Variants in DAAM2 observed in about 807,000 individuals in gnomAD.
DAAM2 encodes the protein disheveled-associated activator of morphogenesis 2.
Under a neutral mutation model 120.7 loss-of-function variants are expected in DAAM2, and 39 were observed. The observed-to-expected ratio is 0.32, with a 90% CI of 0.25 to 0.42. The LOEUF (loss-of-function observed/expected upper bound fraction) is 0.42, where lower values mean the gene tolerates loss of function less well. Among genes scored for constraint, DAAM2 ranks in the 10% least tolerant of loss-of-function variants. The pLI is 1.00. For synonymous variants in DAAM2, 488 were observed against 524.9 expected (o/e 0.93, Z 0.96); for missense variants, 1,283 against 1,401.7 (o/e 0.92, Z 1.35).
At position 39,904,267 on chromosome 6, in the gene DAAM2, AAG is replaced by A; in HGVS notation, c.*2232_*2233del. The A allele has an allele frequency of 2.2e-6, 1 of 456,568 alleles. No homozygotes were observed. The highest frequency in any genetic ancestry group is 4.4e-6 in the Non-Finnish European group (1 of 226,938). 28.3% of individuals were successfully genotyped at this position (456,568 alleles called of 1,614,324 possible). ...CCAGAGCTCAGCCTTCTCACTCTAAAAGAAAGATATTTTTCTATTTATTTTCT... is the reference window on the plus strand; with the variant it reads ...CCAGAGCTCAGCCTTCTCACTCTAAAAAAGATATTTTTCTATTTATTTTCT... On this transcript the variant is annotated 3_prime_UTR_variant, in exon 25 of 25. Coordinates refer to ENST00000274867, the MANE Select transcript of DAAM2 (RefSeq NM_001201427.2).
At position 39,902,080 on chromosome 6, in the gene DAAM2, G is replaced by A. The variant is rs754705141; in HGVS notation, c.*43G>A. On this transcript the variant is annotated 3_prime_UTR_variant, in exon 25 of 25. Transcript: ENST00000274867. ...ACAGGAGGCCGGGAGACAGGGACTGGTGAGAATGGGGCTGAGTGGAGGAGG... is the reference window on the plus strand; with the variant it reads ...ACAGGAGGCCGGGAGACAGGGACTGATGAGAATGGGGCTGAGTGGAGGAGG... 1.7e-5 allele frequency: 26 copies of A among 1,521,790 alleles called. No homozygotes were observed. Among genetic ancestry groups the A allele is most frequent in the Non-Finnish European group, 2.3e-5 (26 of 1,111,874 alleles). 94.3% of individuals were successfully genotyped at this position (1,521,790 alleles called of 1,614,324 possible).
chr6:39,824,233 C>A (rs1224050738), intron 1 of DAAM2, among the ~76,000 whole-genome samples: 1 of 152,174 alleles, frequency 6.6e-6, no homozygotes, highest in Non-Finnish European at 1.5e-5. Flanking sequence ...GGGCAGTAGG[C>A]ACTCAGGAAG....
chr6:39,902,062 G>T lies in DAAM2; in HGVS notation c.*25G>T, dbSNP rs1280315565. ...ACCTGGGGAACTAGCCACACAGGAG[G>T]CCGGGAGACAGGGACTGGTGAGAAT... On this transcript the variant is annotated 3_prime_UTR_variant, in exon 25 of 25. Transcript: ENST00000274867. The T allele has an allele frequency of 3.2e-6, 5 of 1,570,704 alleles. No individual in the cohort carries two copies. Among genetic ancestry groups the T allele is most frequent in the Non-Finnish European group, 4.3e-6 (5 of 1,150,450 alleles).
At chr6:39,888,582 C>G in intron 16 of DAAM2, 97 bp from the exon 17 acceptor site, 1 of 984,404 alleles carries the variant, frequency 1.0e-6, no homozygotes, top group Non-Finnish European at 1.5e-6. Flanking sequence ...TAAATATATT[C>G]CCAAGTCCTG....
chr6:39,857,522 G>A (rs1046380602), intron 2 of DAAM2, among the ~76,000 whole-genome samples: 10 of 152,194 alleles, frequency 6.6e-5, no homozygotes, highest in Admixed American at 3.3e-4. Context: ...CTCTGGATGG[G>A]GCAAGTGGTG....
intron 1 of DAAM2, chr6:39,819,685 T>A (rs1233416029): frequency 3.3e-5 from 5 of 152,220 alleles, no homozygotes; most frequent in African/African-American, 1.2e-4. Flanking sequence ...TACCATAGAT[T>A]GGGTGACTTA....
chr6:39,826,264 AT>A (rs11390604), intron 1 of DAAM2, among the ~76,000 whole-genome samples: 14 of 150,856 alleles, frequency 9.3e-5, no homozygotes, highest in Middle Eastern at 3.4e-3. Context: ...TTAGTAGCAG[AT>A]TTTTTTTTTA....
At chr6:39,831,649 G>A (rs1762894642) in intron 1 of DAAM2, among the ~76,000 whole-genome samples, 1 of 150,230 alleles carries the variant, frequency 6.7e-6, no homozygotes, top group South Asian at 2.1e-4. Context: ...GGGTGGGAAG[G>A]TCAAGAGGCT....
intron 21 of DAAM2, among the ~76,000 whole-genome samples, chr6:39,898,175 T>C (rs1173594344): frequency 6.6e-6 from 1 of 152,246 alleles, no homozygotes; most frequent in African/African-American, 2.4e-5. Flanking sequence ...TGAGGAATTC[T>C]GGGAAACAGT....
chr6:39,841,329 C>T (rs1168351438), intron 1 of DAAM2, among the ~76,000 whole-genome samples: 2 of 53,738 alleles, frequency 3.7e-5, no homozygotes, highest in South Asian at 6.8e-4. Flanking sequence ...GCTTCTAGGG[C>T]GAGGGTTCCA....
intron 1 of DAAM2, among the ~76,000 whole-genome samples, chr6:39,815,145 T>C (rs756292577): frequency 2.0e-4 from 30 of 152,220 alleles, no homozygotes; most frequent in Non-Finnish European, 3.7e-4. Flanking sequence ...AGCCCAGCGA[T>C]TTGTGTCTTA....
At chr6:39,858,113 T>C (rs1305488126) in intron 2 of DAAM2, among the ~76,000 whole-genome samples, 1 of 151,608 alleles carries the variant, frequency 6.6e-6, no homozygotes, top group African/African-American at 2.4e-5. Context: ...AGAAACGGCA[T>C]ATGTGAGTCT....
intron 2 of DAAM2, among the ~76,000 whole-genome samples, chr6:39,859,728 G>C (rs577963609): frequency 6.6e-6 from 1 of 152,258 alleles, no homozygotes; most frequent in Non-Finnish European, 1.5e-5. Flanking sequence ...TATGAAAATT[G>C]ACTTCACCTA....
At position 39,865,010 on chromosome 6, in the gene DAAM2, G is replaced by A; in HGVS notation, c.364G>A (p.Glu122Lys). Residue 122 changes from glutamate to lysine, a missense_variant, in exon 5 of 25, where the codon GAG (glutamate) becomes AAG (lysine). Glu to Lys is a moderately conservative substitution (Grantham distance 56). Transcript: ENST00000274867. ...MQSLYAFDEE[E>K]TEMRNQVVED... ...GAGTCTGTACGCGTTTGATGAGGAG[G>A]AGACGGAGATGAGGAACCAAGTCGT... The A allele has an allele frequency of 2.5e-6, 4 of 1,607,742 alleles. No individual in the cohort carries two copies. Among genetic ancestry groups the A allele is most frequent in the Admixed American group, 1.7e-5 (1 of 59,294 alleles).
chr6:39,826,659 C>T (rs1428272354), intron 1 of DAAM2, among the ~76,000 whole-genome samples: 1 of 152,126 alleles, frequency 6.6e-6, no homozygotes, highest in Non-Finnish European at 1.5e-5. Flanking sequence ...TGATTTTTTT[C>T]ACTTCATATT....
At chr6:39,864,343 A>G in intron 3 of DAAM2, 90 bp from the exon 4 acceptor site, 1 of 962,562 alleles carries the variant, frequency 1.0e-6, no homozygotes, top group South Asian at 1.5e-5. Flanking sequence ...TGAGAAATGA[A>G]TCCCTCTGCT....
intron 5 of DAAM2, 139 bp downstream of exon 5, chr6:39,865,213 C>T: frequency 1.6e-6 from 1 of 640,908 alleles, no homozygotes; most frequent in Non-Finnish European, 2.9e-6. Context: ...CACTTCCCAG[C>T]CCCTACTCCT....
At chr6:39,810,105 A>G (rs780608381) in intron 1 of DAAM2, among the ~76,000 whole-genome samples, 10 of 152,216 alleles carry the variant, frequency 6.6e-5, no homozygotes, top group Non-Finnish European at 1.5e-4. Context: ...AGTCTCTTTA[A>G]TAAGCTTCTC....
intron 1 of DAAM2, among the ~76,000 whole-genome samples, chr6:39,838,335 T>C (rs896496152): frequency 2.0e-5 from 3 of 152,224 alleles, no homozygotes; most frequent in Non-Finnish European, 4.4e-5. Flanking sequence ...GGATTATTAT[T>C]GCTATTATTA....
Sources: gnomAD v4.1 joint callset for allele counts (sites outside exome capture counted in the v4.1 genomes callset) on GRCh38, gnomAD v4.1.1 for gene constraint, MANE v1.5 for transcripts, NCBI Gene and HGNC (gene_info 2026-07-23, HGNC 2026-07-21) for gene names.